MAST4: variants seen among roughly 807,000 people sequenced by gnomAD.
The protein encoded by MAST4 is microtubule associated serine/threonine kinase family member 4.
A neutral mutation model predicts 162.7 loss-of-function variants in MAST4; 89 were observed. The observed-to-expected ratio is 0.55, with a 90% CI of 0.46 to 0.65. The LOEUF is 0.65. Among genes scored for constraint, MAST4 ranks in the 30% least tolerant of loss-of-function variants. The pLI is 0.00. For synonymous variants in MAST4, 1,479 were observed against 1,361.1 expected (o/e 1.09, Z -1.91); for missense variants, 3,153 against 3,374.0 (o/e 0.93, Z 1.62).
intron 4 of MAST4, among the ~76,000 whole-genome samples, chr5:66,992,909 A>C (rs902767587): frequency 1.3e-5 from 2 of 152,126 alleles, no homozygotes; most frequent in African/African-American, 4.8e-5. Flanking sequence ...CTTGATTCTC[A>C]TCTTTTCTCT....
At chr5:67,048,479 G>A (rs1366338) in intron 4 of MAST4, among the ~76,000 whole-genome samples, 31,908 of 152,036 alleles carry the variant, frequency 0.21, 3,637 homozygotes, top group Non-Finnish European at 0.25. Context: ...TAACATATCA[G>A]TGAGGGCAGC....
chr5:66,775,892 G>A (rs918926472), intron 2 of MAST4, among the ~76,000 whole-genome samples: 1 of 152,036 alleles, frequency 6.6e-6, no homozygotes, highest in Non-Finnish European at 1.5e-5. Flanking sequence ...CTTATTCATT[G>A]ATCAATATTG....
At chr5:66,681,102 A>G (rs1265472649) in intron 1 of MAST4, among the ~76,000 whole-genome samples, 1 of 152,274 alleles carries the variant, frequency 6.6e-6, no homozygotes. Context: ...GTGCATATGC[A>G]TACCAAAGGT....
intron 2 of MAST4, among the ~76,000 whole-genome samples, chr5:66,787,727 T>A (rs570231082): frequency 6.6e-6 from 1 of 152,228 alleles, no homozygotes; most frequent in East Asian, 1.9e-4. Flanking sequence ...TGAGATTCTT[T>A]GTGTGGTCTG....
chr5:67,003,917 A>C (rs1751592503), intron 4 of MAST4: 1 of 152,190 alleles, frequency 6.6e-6, no homozygotes, highest in African/African-American at 2.4e-5. Context: ...ATGTAAACTC[A>C]TAAATTTAGT....
rs144663500 is a variant in MAST4 at position 66,651,738 on chromosome 5, C to T, written c.363+54720C>T. ...TTTCACAGCACTACACTCTAGGTGT[C>T]AAGCCAGGCCTGCAGTCTCATCTGA... On this transcript the variant is annotated intron_variant, in intron 1 of 28. Coordinates refer to ENST00000403625, the MANE Select transcript of MAST4 (RefSeq NM_001164664.2). Among the ~76,000 whole-genome samples, 109 of 152,240 alleles carry T rather than the reference C, an allele frequency of 7.2e-4. 1 individual carries two copies. The highest frequency in any genetic ancestry group is 2.6e-3 in the African/African-American group (108 of 41,546).
intron 1 of MAST4, among the ~76,000 whole-genome samples, chr5:66,637,558 G>T (rs1260895564): frequency 2.0e-5 from 3 of 152,120 alleles, no homozygotes; most frequent in East Asian, 3.9e-4. Context: ...TATTTTTAGA[G>T]TATTGATGTA....
chr5:66,788,349 G>T (rs996804281), intron 2 of MAST4, among the ~76,000 whole-genome samples: 2 of 152,100 alleles, frequency 1.3e-5, no homozygotes, highest in African/African-American at 4.8e-5. Context: ...CTGTGATGCT[G>T]AGAATGCTTT....
chr5:67,012,460 C>T (rs369497952), intron 4 of MAST4, among the ~76,000 whole-genome samples: 13 of 152,312 alleles, frequency 8.5e-5, no homozygotes, highest in African/African-American at 2.9e-4. Flanking sequence ...TCTGAGCTGT[C>T]TTCACTACCT....
chr5:67,106,221 A>G (rs961334714), intron 10 of MAST4, among the ~76,000 whole-genome samples: 2 of 151,970 alleles, frequency 1.3e-5, no homozygotes, highest in African/African-American at 4.8e-5. Flanking sequence ...TTAGAGACCT[A>G]TAGACTCTAA....
intron 22 of MAST4, 93 bp from the exon 23 acceptor site, chr5:67,145,051 C>T (rs889596450): frequency 8.7e-7 from 1 of 1,152,468 alleles, no homozygotes; most frequent in Admixed American, 2.1e-5. Context: ...TTAGGCTTAT[C>T]CAAGTCCGAT....
At chr5:66,754,525 T>C (rs1021360173) in intron 1 of MAST4, among the ~76,000 whole-genome samples, 3 of 152,242 alleles carry the variant, frequency 2.0e-5, no homozygotes, top group African/African-American at 7.2e-5. Context: ...ATTAAAGCCC[T>C]TTATGGCATG....
intron 3 of MAST4, chr5:66,828,852 G>A (rs1757406571): frequency 6.2e-7 from 1 of 1,607,104 alleles, no homozygotes; most frequent in Non-Finnish European, 8.5e-7. Flanking sequence ...AGATGGATGA[G>A]TCCAGCATTC....
intron 1 of MAST4, among the ~76,000 whole-genome samples, chr5:66,667,449 G>T (rs75382289): frequency 0.019 from 2,956 of 152,136 alleles, 94 homozygotes; most frequent in African/African-American, 0.067. Context: ...AGATTCAGTC[G>T]CATTTTAGGA....
At chr5:66,747,803 A>C (rs1752860870) in intron 1 of MAST4, among the ~76,000 whole-genome samples, 1 of 152,344 alleles carries the variant, frequency 6.6e-6, no homozygotes, top group South Asian at 2.1e-4. Flanking sequence ...CGTGCATTGC[A>C]GGAAATTCAG....
At chr5:66,784,435 C>T (rs1755017987) in intron 2 of MAST4, among the ~76,000 whole-genome samples, 1 of 152,140 alleles carries the variant, frequency 6.6e-6, no homozygotes, top group Non-Finnish European at 1.5e-5. Flanking sequence ...GTTAAAGCCA[C>T]AAGTCAAAAA....
Position 66,797,431 on chromosome 5 carries a change from T to G in MAST4, c.642+8637T>G, listed in dbSNP as rs116133360. On this transcript the variant is annotated intron_variant, in intron 3 of 28. Coordinates refer to ENST00000403625, the MANE Select transcript of MAST4 (RefSeq NM_001164664.2). ...TAATGAGTAGTAGTGGTAATTATACTTATTCCGGGTTCATTGGCACCTGAA... is the reference window on the plus strand; with the variant it reads ...TAATGAGTAGTAGTGGTAATTATACGTATTCCGGGTTCATTGGCACCTGAA... 7.0e-3 allele frequency among the ~76,000 whole-genome samples: 1,064 copies of G among 152,316 alleles called. 11 individuals carry two copies. Among genetic ancestry groups the G allele is most frequent in the African/African-American group, 0.024 (1,017 of 41,568 alleles).
chr5:67,024,574 T>C lies in MAST4; in HGVS notation c.675-29830T>C, dbSNP rs77623131. The stretch of plus-strand genomic sequence containing the variant: ...TTCATCCTAAGTAATGTGTAAGTAC[T>C]ATTTGCAGTCATTGAGGATAATCCT... On this transcript the variant is annotated intron_variant, in intron 4 of 28. Coordinates refer to ENST00000403625, the MANE Select transcript of MAST4 (RefSeq NM_001164664.2). 7.7e-3 allele frequency among the ~76,000 whole-genome samples: 1,169 copies of C among 152,156 alleles called. 17 individuals carry two copies. The highest frequency in any genetic ancestry group is 0.028 in the Admixed American group (433 of 15,256).
intron 4 of MAST4, among the ~76,000 whole-genome samples, chr5:66,941,964 T>C (rs1039769693): frequency 1.3e-5 from 2 of 152,126 alleles, no homozygotes; most frequent in African/African-American, 4.8e-5. Flanking sequence ...GTTCATTGTC[T>C]TATATGACAC....
Sources: allele counts gnomAD v4.1 joint callset (sites outside exome capture counted in the v4.1 genomes callset), GRCh38; gene constraint gnomAD v4.1.1; transcripts MANE v1.5; gene names NCBI Gene and HGNC (gene_info 2026-07-23, HGNC 2026-07-21).